DOCK4: variants seen among roughly 807,000 people sequenced by gnomAD.
The protein encoded by DOCK4 is dedicator of cytokinesis protein 4.
DOCK4 carries 97 observed loss-of-function variants against 268.1 expected under a neutral mutation model. That is an observed-to-expected ratio of 0.36 (90% confidence interval 0.31 to 0.43). The LOEUF is 0.43. Among genes scored for constraint, DOCK4 ranks in the 20% least tolerant of loss-of-function variants. The pLI is 1.00. For synonymous variants in DOCK4, 954 were observed against 887.2 expected, an observed-to-expected ratio of 1.08 and a Z score of -1.34; for missense variants, 2,145 against 2,455.7, an observed-to-expected ratio of 0.87 and a Z score of 2.67.
chr7:112,081,127 T>C (rs1490276928), intron 1 of DOCK4, among the ~76,000 whole-genome samples: 2 of 151,690 alleles, frequency 1.3e-5, no homozygotes, highest in Non-Finnish European at 2.9e-5. Flanking sequence ...GGAAGGCGGG[T>C]AGTGGTGCAA....
intron 23 of DOCK4, among the ~76,000 whole-genome samples, chr7:111,858,846 T>G (rs1029453619): frequency 6.6e-6 from 1 of 151,456 alleles, no homozygotes; most frequent in Non-Finnish European, 1.5e-5. Context: ...TTCCTCCATG[T>G]ATAGACACAT....
intron 52 of DOCK4, among the ~76,000 whole-genome samples, chr7:111,729,452 T>G (rs1794914143): frequency 6.6e-6 from 1 of 152,066 alleles, no homozygotes; most frequent in Non-Finnish European, 1.5e-5. Flanking sequence ...CCAGTTCCTC[T>G]GGGAGGATCA....
intron 1 of DOCK4, among the ~76,000 whole-genome samples, chr7:112,183,108 CT>C (rs1819198927): frequency 6.6e-6 from 1 of 152,214 alleles, no homozygotes; most frequent in African/African-American, 2.4e-5. Flanking sequence ...AAGGCAGCCT[CT>C]CTACAGACGG....
Position 111,857,495 on chromosome 7 carries a change from G to C in DOCK4, c.2473+5877C>G, listed in dbSNP as rs138779026. 4.9e-4 allele frequency among the ~76,000 whole-genome samples: 74 copies of C among 152,234 alleles called. 1 individual carries two copies. In the East Asian group the frequency reaches 0.014, roughly 28 times the overall value. ...CAGTGGTACATGATCAGTGCCTTTAGGTCTTTATATTTACTTCTATTATCT... is the reference window on the plus strand; with the variant it reads ...CAGTGGTACATGATCAGTGCCTTTACGTCTTTATATTTACTTCTATTATCT... On this transcript the variant is annotated intron_variant, in intron 23 of 52. Coordinates refer to ENST00000428084, the MANE Select transcript of DOCK4 (RefSeq NM_001363540.2).
At chr7:112,158,957 G>A (rs1816850811) in intron 1 of DOCK4, among the ~76,000 whole-genome samples, 1 of 152,104 alleles carries the variant, frequency 6.6e-6, no homozygotes, top group African/African-American at 2.4e-5. Context: ...GTTACTACAA[G>A]CCAACTAAAT....
chr7:111,798,953 A>G (rs1435107842), intron 30 of DOCK4, among the ~76,000 whole-genome samples: 1 of 152,216 alleles, frequency 6.6e-6, no homozygotes, highest in African/African-American at 2.4e-5. Flanking sequence ...CTTCCACAAG[A>G]AATAGCAAGA....
chr7:112,005,682 C>G (rs55959484), intron 1 of DOCK4, among the ~76,000 whole-genome samples: 6,371 of 152,220 alleles, frequency 0.042, 301 homozygotes, highest in East Asian at 0.26. Flanking sequence ...AATTGCCTTT[C>G]CAAACTCTGC....
At chr7:111,894,750 T>C (rs1465711804) in intron 16 of DOCK4, among the ~76,000 whole-genome samples, 1 of 152,060 alleles carries the variant, frequency 6.6e-6, no homozygotes, top group Non-Finnish European at 1.5e-5. Context: ...AGTGAGGCAG[T>C]AGGGAGGTAG....
intron 36 of DOCK4, among the ~76,000 whole-genome samples, chr7:111,771,842 C>T (rs1190361531): frequency 1.3e-5 from 2 of 152,180 alleles, no homozygotes; most frequent in Non-Finnish European, 2.9e-5. Flanking sequence ...CCTTCTTTCC[C>T]CCTTTGCTGA....
chr7:111,977,769 T>C (rs1586556358), intron 7 of DOCK4, among the ~76,000 whole-genome samples: 1 of 152,236 alleles, frequency 6.6e-6, no homozygotes, highest in Non-Finnish European at 1.5e-5. Context: ...AAAAGTTCTT[T>C]TAGGTTATAC....
chr7:112,028,204 T>C (rs1406916055), intron 1 of DOCK4, among the ~76,000 whole-genome samples: 4 of 152,174 alleles, frequency 2.6e-5, no homozygotes, highest in Non-Finnish European at 5.9e-5. Context: ...AAATCGACTT[T>C]TTAAAAAGAT....
chr7:112,101,612 C>A (rs1194714324), intron 1 of DOCK4, among the ~76,000 whole-genome samples: 1 of 152,160 alleles, frequency 6.6e-6, no homozygotes, highest in Non-Finnish European at 1.5e-5. Context: ...CCCTCCCCCT[C>A]GGTATTTTTA....
intron 13 of DOCK4, among the ~76,000 whole-genome samples, chr7:111,914,022 G>T (rs945849899): frequency 2.0e-5 from 3 of 152,078 alleles, no homozygotes; most frequent in African/African-American, 7.2e-5. Flanking sequence ...GGGGGATGTG[G>T]GCCTAGAATC....
At chr7:112,004,025 A>G (rs1191343051) in intron 2 of DOCK4, 23 bp downstream of exon 2, 2 of 1,550,070 alleles carry the variant, frequency 1.3e-6, no homozygotes, top group Non-Finnish European at 1.8e-6. Context: ...TATGTTGAGG[A>G]GGTTGTTCAT....
chr7:112,023,500 G>A lies in DOCK4; in HGVS notation c.38-19369C>T, dbSNP rs188920954. The A allele has an allele frequency of 1.1e-3, 356 of 336,094 alleles. 3 individuals carry two copies. The highest frequency in any genetic ancestry group is 7.0e-3 in the African/African-American group (326 of 46,400). 20.8% of individuals were successfully genotyped at this position (336,094 alleles called of 1,614,324 possible). A position where few individuals can be genotyped will look rare whatever the true frequency, so the allele number is the denominator to read the frequency against. ...TAAAAACACATCCTTTGCTTCTCAC[G>A]GAGCAAAAGCTCAGGAAGAAAGCAC... is the stretch of plus-strand genomic sequence containing the variant. On this transcript the variant is annotated intron_variant, in intron 1 of 52. Transcript: ENST00000428084.
At chr7:111,971,799 G>C (rs1015772154) in intron 8 of DOCK4, 3 of 300,850 alleles carry the variant, frequency 1.0e-5, no homozygotes, top group African/African-American at 4.5e-5. Flanking sequence ...AGCCACTTAC[G>C]GGGGATGGCT....
intron 51 of DOCK4, among the ~76,000 whole-genome samples, chr7:111,733,273 G>C (rs1005057342): frequency 6.6e-6 from 1 of 152,204 alleles, no homozygotes; most frequent in African/African-American, 2.4e-5. Context: ...CAGACCATGA[G>C]AGCAATCAGT....
intron 1 of DOCK4, among the ~76,000 whole-genome samples, chr7:112,077,404 ATTTTATACT>A (rs1808167913): frequency 6.6e-6 from 1 of 152,120 alleles, no homozygotes; most frequent in South Asian, 2.1e-4. Context: ...AACATTTTTC[ATTTTATACT>A]TTTTATACTA....
chr7:111,792,843 C>T (rs1049922115), intron 30 of DOCK4, among the ~76,000 whole-genome samples: 2 of 152,108 alleles, frequency 1.3e-5, no homozygotes, highest in South Asian at 4.1e-4. Flanking sequence ...GGAAGGTGGG[C>T]CCCCATCTCT....
Sources: allele counts gnomAD v4.1 joint callset (sites outside exome capture counted in the v4.1 genomes callset), GRCh38; gene constraint gnomAD v4.1.1; transcripts MANE v1.5; gene names NCBI Gene and HGNC (gene_info 2026-07-23, HGNC 2026-07-21).